The following RAB36 variants were observed in gnomAD, a reference collection of about 807,000 sequenced individuals.
The protein encoded by RAB36 is RAB36, member RAS oncogene family, also known as ras-related protein Rab-36.
Under a neutral mutation model 39.3 loss-of-function variants are expected in RAB36, and 33 were observed. The ratio of observed to expected loss-of-function variants is 0.84; its 90% CI spans 0.64 to 1.12. RAB36 has a LOEUF of 1.12. RAB36 is among the 50% of genes most tolerant of loss of function. The probability of loss-of-function intolerance (pLI) is 0.00; values close to 1 mark genes in which losing one functional copy is unlikely to be tolerated. For missense variants in RAB36, 308 were observed against 355.3 expected, an observed-to-expected ratio of 0.87 and a Z score of 1.07; for synonymous variants, 133 against 140.2, an observed-to-expected ratio of 0.95 and a Z score of 0.36.
chr22:23,161,830 A>ATGAT lies in RAB36; in HGVS notation c.*266_*267insTGAT. The ATGAT allele has an allele frequency of 2.1e-6, 1 of 477,292 alleles. No individual in the cohort carries two copies. Among genetic ancestry groups the ATGAT allele is most frequent in the Admixed American group, 3.6e-5 (1 of 27,792 alleles). The allele number at this position is 477,292 out of a possible 1,614,324, so 29.6% of individuals were successfully genotyped here. A position where few individuals can be genotyped will look rare whatever the true frequency, so the allele number is the denominator to read the frequency against. On this transcript the variant is annotated 3_prime_UTR_variant, in exon 11 of 11. Transcript: ENST00000263116. Reference sequence around the variant, plus strand: ...GTGCAGGCACTGTGGTGATCCCATAAAAGGCCAGTCCATTTGCAGGGTCAT... The same window carrying ATGAT: ...GTGCAGGCACTGTGGTGATCCCATAATGATAAGGCCAGTCCATTTGCAGGGTCAT...
At chr22:23,157,252 AG>A (rs1232864611) in intron 6 of RAB36, among the ~76,000 whole-genome samples, 2 of 114,408 alleles carry the variant, frequency 1.7e-5, no homozygotes, top group East Asian at 6.0e-4. Context: ...CTGGACTAAC[AG>A]GTTTTTTTTT....
At chr22:23,145,424 C>T (rs2070705971), upstream of RAB36, 3 of 1,610,570 alleles carry the variant, frequency 1.9e-6, no homozygotes, top group Non-Finnish European at 2.5e-6. Context: ...CCAACGCAGA[C>T]CCCGCCCACG....
rs6003528 is a variant in RAB36 at position 23,164,866 on chromosome 22, G to A, written c.*3302G>A. On this transcript the variant is annotated 3_prime_UTR_variant, in exon 11 of 11. Transcript: ENST00000263116. Reference sequence around the variant, plus strand: ...CAGGGCTAGGTCCCAGGGTGCTCTCGCTCTGGCTTTCGAGGCTCCTCACCA... The same window carrying A: ...CAGGGCTAGGTCCCAGGGTGCTCTCACTCTGGCTTTCGAGGCTCCTCACCA... Among the ~76,000 whole-genome samples, 778 of 152,088 alleles carry A rather than the reference G, an allele frequency of 5.1e-3. 7 individuals carry two copies. Among genetic ancestry groups the A allele is most frequent in the African/African-American group, 0.018 (731 of 41,478 alleles).
At chr22:23,145,787 G>T (rs970052090) in intron 1 of RAB36, among the ~76,000 whole-genome samples, 1 of 152,266 alleles carries the variant, frequency 6.6e-6, no homozygotes, top group Non-Finnish European at 1.5e-5. Context: ...GACTCCGCCA[G>T]GACCACCCCA....
At position 23,165,387 on chromosome 22, in the gene RAB36, C is replaced by T. The variant is rs2072024336; in HGVS notation, c.*3823C>T. ...ACTTGCAAACCCCAGTCCTGTCTGA[C>T]CCAGAGACCCTCACAGGGCATCAGC... On this transcript the variant is annotated 3_prime_UTR_variant, in exon 11 of 11. Transcript: ENST00000263116. Among the ~76,000 whole-genome samples, 1 of 152,192 alleles carries T rather than the reference C, an allele frequency of 6.6e-6. No individual in the cohort carries two copies. The highest frequency in any genetic ancestry group is 1.5e-5 in the Non-Finnish European group (1 of 68,038).
downstream of RAB36, among the ~76,000 whole-genome samples, chr22:23,167,145 C>T (rs1475116734): frequency 6.6e-6 from 1 of 152,122 alleles, no homozygotes; most frequent in Non-Finnish European, 1.5e-5. Context: ...AGTCTAATCC[C>T]AGTGGGAATC....
At chr22:23,159,479 G>A (rs753173168) in intron 9 of RAB36, among the ~76,000 whole-genome samples, 7 of 152,386 alleles carry the variant, frequency 4.6e-5, no homozygotes, top group Non-Finnish European at 1.0e-4. Flanking sequence ...CTGCCTCACG[G>A]ATGGGGGAAT....
rs1038900088 is a variant in RAB36 at position 23,162,981 on chromosome 22, G to A, written c.*1417G>A. 3.1e-5 allele frequency: 10 copies of A among 326,044 alleles called. No homozygotes were observed. The highest frequency in any genetic ancestry group is 1.6e-4 in the African/African-American group (7 of 44,970). The allele number at this position is 326,044 out of a possible 1,614,324, so 20.2% of individuals were successfully genotyped here. The stretch of plus-strand genomic sequence containing the variant: ...GGCTGGAGTGCAATGGCGTAATCTC[G>A]GCTCAGTGCAACCTCTGCCTCCCAG... On this transcript the variant is annotated 3_prime_UTR_variant, in exon 11 of 11. Transcript: ENST00000263116.
chr22:23,152,626 G>T, intron 4 of RAB36, 100 bp downstream of exon 4: 1 of 1,188,702 alleles, frequency 8.4e-7, no homozygotes. Flanking sequence ...CAGAAATCAT[G>T]TGGCTTCCAG....
chr22:23,150,032 A>G (rs1242637785), intron 2 of RAB36, 31 bp from the exon 3 acceptor site: 3 of 1,541,088 alleles, frequency 1.9e-6, no homozygotes, highest in Admixed American at 1.8e-5. Context: ...GCTTTGCAGG[A>G]TGATGTGTCC....
At position 23,164,777 on chromosome 22, in the gene RAB36, A is replaced by G. The variant is rs2072000117; in HGVS notation, c.*3213A>G. Among the ~76,000 whole-genome samples the G allele has an allele frequency of 6.6e-6, 1 of 151,898 alleles. No individual in the cohort carries two copies. The highest frequency in any genetic ancestry group is 2.4e-5 in the African/African-American group (1 of 41,346). Reference sequence around the variant, plus strand: ...TGTCCATCTGTGTGTCCTTCCGTTCACCTGTCTCTTCTGCTGGAGACACGT... The same window carrying G: ...TGTCCATCTGTGTGTCCTTCCGTTCGCCTGTCTCTTCTGCTGGAGACACGT... On this transcript the variant is annotated 3_prime_UTR_variant, in exon 11 of 11. Coordinates refer to ENST00000263116, the MANE Select transcript of RAB36 (RefSeq NM_004914.5).
Position 23,152,449 on chromosome 22 carries a change from T to C in RAB36, c.162-12T>C, listed in dbSNP as rs1337171722. Reference sequence around the variant, plus strand: ...GGCATGCCCGACGGCAACACGGCCATATTTCTCACAGGCTCAAACTCTCCA... The same window carrying C: ...GGCATGCCCGACGGCAACACGGCCACATTTCTCACAGGCTCAAACTCTCCA... On this transcript the variant is annotated splice_polypyrimidine_tract_variant and intron_variant, in intron 3 of 10. Coordinates refer to ENST00000263116, the MANE Select transcript of RAB36 (RefSeq NM_004914.5). 1.2e-6 allele frequency: 2 copies of C among 1,614,002 alleles called. No individual in the cohort carries two copies. The highest frequency in any genetic ancestry group is 2.7e-5 in the African/African-American group (2 of 74,906).
At position 23,163,842 on chromosome 22, in the gene RAB36, G is replaced by A. The variant is rs768309533; in HGVS notation, c.*2278G>A. 2 of 152,208 alleles carry A rather than the reference G, an allele frequency of 1.3e-5. No individual in the cohort carries two copies. Among genetic ancestry groups the A allele is most frequent in the Non-Finnish European group, 2.9e-5 (2 of 68,022 alleles). The allele number at this position is 152,208 out of a possible 1,614,324, so 9.4% of individuals were successfully genotyped here. On this transcript the variant is annotated 3_prime_UTR_variant, in exon 11 of 11. Coordinates refer to ENST00000263116, the MANE Select transcript of RAB36 (RefSeq NM_004914.5). ...TACTGCCTGGCAGCCTGCCTTCCTA[G>A]GGAGCTGGCGCCAAGGCCTCTCCCT... is the stretch of plus-strand genomic sequence containing the variant.
downstream of RAB36, among the ~76,000 whole-genome samples, chr22:23,166,123 G>A (rs1471435457): frequency 7.4e-6 from 1 of 135,534 alleles, no homozygotes; most frequent in African/African-American, 2.8e-5. Context: ...TCCAGCCTGG[G>A]TGACGGAGTG....
chr22:23,162,897 G>GT lies in RAB36; in HGVS notation c.*1339dup, dbSNP rs1491470515. 1.2e-5 allele frequency: 4 copies of GT among 346,056 alleles called. No individual in the cohort carries two copies. Among genetic ancestry groups the GT allele is most frequent in the Non-Finnish European group, 2.3e-5 (4 of 175,212 alleles). The allele number at this position is 346,056 out of a possible 1,614,324, so 21.4% of individuals were successfully genotyped here. A position where few individuals can be genotyped will look rare whatever the true frequency, so the allele number is the denominator to read the frequency against. On this transcript the variant is annotated 3_prime_UTR_variant, in exon 11 of 11. Coordinates refer to ENST00000263116, the MANE Select transcript of RAB36 (RefSeq NM_004914.5). ...TTCCCCCTTCAACATATTTTTTGTA[G>GT]TTTTTTATATAAATGACTTTTTTTT...
intron 3 of RAB36, among the ~76,000 whole-genome samples, chr22:23,151,304 G>A (rs1227677868): frequency 6.6e-6 from 1 of 152,186 alleles, no homozygotes; most frequent in Non-Finnish European, 1.5e-5. Flanking sequence ...ACTGGAGGTG[G>A]GGAAACTGAG....
rs1185710439 is a variant in RAB36 at position 23,161,602 on chromosome 22, A to G, written c.*38A>G. ...TGGAAGGCCTCCGCTCCCTGCACAC[A>G]CACGGACAGGAATTTCCGTGACTGT... On this transcript the variant is annotated 3_prime_UTR_variant, in exon 11 of 11. Coordinates refer to ENST00000263116, the MANE Select transcript of RAB36 (RefSeq NM_004914.5). The G allele has an allele frequency of 6.6e-7, 1 of 1,513,866 alleles. No homozygotes were observed. The highest frequency in any genetic ancestry group is 1.8e-5 in the Admixed American group (1 of 56,616). 93.8% of individuals were successfully genotyped at this position (1,513,866 alleles called of 1,614,324 possible). A position where few individuals can be genotyped will look rare whatever the true frequency, so the allele number is the denominator to read the frequency against.
Position 23,156,170 on chromosome 22 carries a change from C to T in RAB36, c.394+138C>T, listed in dbSNP as rs1392900661. On this transcript the variant is annotated intron_variant, in intron 6 of 10. Coordinates refer to ENST00000263116, the MANE Select transcript of RAB36 (RefSeq NM_004914.5). ...GACCCACTGAGAAAACACCAGGCCA[C>T]TGCTTGGGAACAGGGAAGCTGCCTT... 3 of 521,014 alleles carry T rather than the reference C, an allele frequency of 5.8e-6. No individual in the cohort carries two copies. The Admixed American group carries it at 1.3e-4, about 23-fold the overall frequency. 32.3% of individuals were successfully genotyped at this position (521,014 alleles called of 1,614,324 possible). A position where few individuals can be genotyped will look rare whatever the true frequency, so the allele number is the denominator to read the frequency against.
chr22:23,162,877 C>G lies in RAB36; in HGVS notation c.*1313C>G. 1 of 377,476 alleles carries G rather than the reference C, an allele frequency of 2.6e-6. No individual in the cohort carries two copies. The highest frequency in any genetic ancestry group is 1.9e-5 in the South Asian group (1 of 52,558). 23.4% of individuals were successfully genotyped at this position (377,476 alleles called of 1,614,324 possible). On this transcript the variant is annotated 3_prime_UTR_variant, in exon 11 of 11. Transcript: ENST00000263116. ...CTGGCATCTTTTTCTATTCATTCCC[C>G]CTTCAACATATTTTTTGTAGTTTTT...
Sources: gnomAD v4.1 joint callset for allele counts (sites outside exome capture counted in the v4.1 genomes callset) on GRCh38, gnomAD v4.1.1 for gene constraint, MANE v1.5 for transcripts, NCBI Gene and HGNC (gene_info 2026-07-23, HGNC 2026-07-21) for gene names.